YOD1: variants seen among roughly 807,000 people sequenced by gnomAD.
The protein encoded by YOD1 is YOD1 deubiquitinase.
In YOD1, 17 loss-of-function variants were observed where a neutral mutation model predicts 23.7. That is an observed-to-expected ratio of 0.72 (90% confidence interval 0.49 to 1.07). The LOEUF (loss-of-function observed/expected upper bound fraction) is 1.07. Ranked by LOEUF, YOD1 falls within the 50% of genes least tolerant of loss-of-function variation. The pLI, the probability that YOD1 is intolerant of heterozygous loss-of-function variation, is 0.00. For synonymous variants in YOD1, 191 were observed against 169.6 expected (o/e 1.13, Z -0.98); for missense variants, 413 against 447.2 (o/e 0.92, Z 0.69).
In YOD1 at chr1:207,044,313, A is replaced by T. The variant is rs1489736411; in HGVS notation, c.*4707T>A. The T allele has an allele frequency of 6.6e-6, 1 of 152,570 alleles. No individual in the cohort carries two copies. The highest frequency in any genetic ancestry group is 6.5e-5 in the Admixed American group (1 of 15,282). The allele number at this position is 152,570 out of a possible 1,614,324, so 9.5% of individuals were successfully genotyped here. A position where few individuals can be genotyped will look rare whatever the true frequency, so the allele number is the denominator to read the frequency against. On this transcript the variant is annotated 3_prime_UTR_variant, in exon 2 of 2. Coordinates refer to ENST00000315927, the MANE Select transcript of YOD1 (RefSeq NM_018566.4). ...GAATTCAAATTTTTTTCAAGGAAAA[A>T]TACTATTCTGCTAAGTACATATTTC...
In YOD1 at chr1:207,046,950, C is replaced by T. The variant is rs1188943045; in HGVS notation, c.*2070G>A. The T allele has an allele frequency of 1.3e-5, 2 of 151,592 alleles. No individual in the cohort carries two copies. Among genetic ancestry groups the T allele is most frequent in the Non-Finnish European group, 2.9e-5 (2 of 67,916 alleles). 9.4% of individuals were successfully genotyped at this position (151,592 alleles called of 1,614,324 possible). Reference sequence around the variant, plus strand: ...TAGTAAGCAAATGTCAACTCTGTGTCCTGAAGTAGCAAAGAAAGGAAGGCA... The same window carrying T: ...TAGTAAGCAAATGTCAACTCTGTGTTCTGAAGTAGCAAAGAAAGGAAGGCA... On this transcript the variant is annotated 3_prime_UTR_variant, in exon 2 of 2. Coordinates refer to ENST00000315927, the MANE Select transcript of YOD1 (RefSeq NM_018566.4).
At position 207,049,149 on chromosome 1, in the gene YOD1, T is replaced by C; in HGVS notation, c.918A>G (p.Arg306=). ...GGTTGACATCAGTAAACTGTCTCCT[T>C]CTTCTAGCTTCATCTGCTAATTCCA... is the stretch of plus-strand genomic sequence containing the variant. The part of the protein sequence containing the change: ...QALELADEAR[R]RRQFTDVNRF... Residue 306 remains arginine, a synonymous_variant, in exon 2 of 2, where the codon AGA becomes AGG. Coordinates refer to ENST00000315927, the MANE Select transcript of YOD1 (RefSeq NM_018566.4). 6.2e-7 allele frequency: 1 copy of C among 1,614,050 alleles called. No individual in the cohort carries two copies. Among genetic ancestry groups the C allele is most frequent in the East Asian group, 2.2e-5 (1 of 44,846 alleles).
Position 207,046,385 on chromosome 1 carries a change from AAAAC to A in YOD1, c.*2631_*2634del, listed in dbSNP as rs1487576080. ...TTTAATAAGCACAGTAAAAAATGAA[AAAAC>A]AAACAAACAAAAAGCAAACCCCTGT... is the stretch of plus-strand genomic sequence containing the variant. On this transcript the variant is annotated 3_prime_UTR_variant, in exon 2 of 2. Coordinates refer to ENST00000315927, the MANE Select transcript of YOD1 (RefSeq NM_018566.4). 3 of 152,112 alleles carry A rather than the reference AAAAC, an allele frequency of 2.0e-5. No individual in the cohort carries two copies. The highest frequency in any genetic ancestry group is 2.9e-5 in the Non-Finnish European group (2 of 67,928). The allele number at this position is 152,112 out of a possible 1,614,324, so 9.4% of individuals were successfully genotyped here.
rs990143221 is a variant in YOD1 at position 207,046,993 on chromosome 1, T to C, written c.*2027A>G. On this transcript the variant is annotated 3_prime_UTR_variant, in exon 2 of 2. Transcript: ENST00000315927. The stretch of plus-strand genomic sequence containing the variant: ...GGAAGGCAAGCTTTCTGAGTAATGA[T>C]GCATAAAGCTCAATTTGATAATTGT... 1 of 152,238 alleles carries C rather than the reference T, an allele frequency of 6.6e-6. No homozygotes were observed. The highest frequency in any genetic ancestry group is 1.5e-5 in the Non-Finnish European group (1 of 67,956). 9.4% of individuals were successfully genotyped at this position (152,238 alleles called of 1,614,324 possible).
upstream of YOD1, chr1:207,052,818 A>T (rs903075296): frequency 6.6e-6 from 1 of 152,358 alleles, no homozygotes; most frequent in African/African-American, 2.4e-5. Flanking sequence ...TAATTAGCTC[A>T]AGTGTTGTGG....
rs1682578774 is a variant in YOD1 at position 207,045,549 on chromosome 1, A to T, written c.*3471T>A. 6.6e-6 allele frequency: 1 copy of T among 152,360 alleles called. No homozygotes were observed. The highest frequency in any genetic ancestry group is 1.5e-5 in the Non-Finnish European group (1 of 67,870). The allele number at this position is 152,360 out of a possible 1,614,324, so 9.4% of individuals were successfully genotyped here. A position where few individuals can be genotyped will look rare whatever the true frequency, so the allele number is the denominator to read the frequency against. On this transcript the variant is annotated 3_prime_UTR_variant, in exon 2 of 2. Transcript: ENST00000315927. ...GCTGCAAACAAATGTGTCTCCACAC[A>T]TGAAAGAACATAATTCTTAGTATGT...
rs1239014791 is a variant in YOD1, at chr1:207,047,683, G to C, written c.*1337C>G. On this transcript the variant is annotated 3_prime_UTR_variant, in exon 2 of 2. Coordinates refer to ENST00000315927, the MANE Select transcript of YOD1 (RefSeq NM_018566.4). The stretch of plus-strand genomic sequence containing the variant: ...TTGTAGTGAAGCTAAGTTTTAGAGG[G>C]TGTGCCTTGCGGATTAGTCCACTAA... 6.6e-6 allele frequency: 1 copy of C among 152,602 alleles called. No homozygotes were observed. Among genetic ancestry groups the C allele is most frequent in the Non-Finnish European group, 1.5e-5 (1 of 68,008 alleles). 9.5% of individuals were successfully genotyped at this position (152,602 alleles called of 1,614,324 possible).
In YOD1 at chr1:207,049,272, G is replaced by T. The variant is rs115740223; in HGVS notation, c.795C>A (p.Gly265=). 8.7e-6 allele frequency: 14 copies of T among 1,614,114 alleles called. No individual in the cohort carries two copies. The highest frequency in any genetic ancestry group is 1.2e-5 in the Non-Finnish European group (14 of 1,180,032). The change falls in exon 2 of 2, where the codon GGC becomes GGA. Residue 265 remains glycine (G), a synonymous_variant. Transcript: ENST00000315927. ...TACGCTGAAGTGGATCATAGTGGAT[G>T]CCATCATAAATAAGCAGAACCCTTT... ...YTKRVLLIYD[G]IHYDPLQRNF... is the part of the protein sequence containing the mutation.
At position 207,051,119 on chromosome 1, in the gene YOD1, T is replaced by A; in HGVS notation, c.-89A>T. ...TTAGCAAGCGCGAACTCTTTTAAAGTGACAACTGATTTTTCCCCCACCCTC... is the reference window on the plus strand; with the variant it reads ...TTAGCAAGCGCGAACTCTTTTAAAGAGACAACTGATTTTTCCCCCACCCTC... On this transcript the variant is annotated 5_prime_UTR_variant, in exon 1 of 2. Coordinates refer to ENST00000315927, the MANE Select transcript of YOD1 (RefSeq NM_018566.4). 2 of 1,422,856 alleles carry A rather than the reference T, an allele frequency of 1.4e-6. No individual in the cohort carries two copies. Among genetic ancestry groups the A allele is most frequent in the Non-Finnish European group, 1.8e-6 (2 of 1,093,576 alleles). The allele number at this position is 1,422,856 out of a possible 1,614,324, so 88.1% of individuals were successfully genotyped here.
At chr1:207,050,070 G>T (rs1230988975) in intron 1 of YOD1, among the ~76,000 whole-genome samples, 1 of 152,162 alleles carries the variant, frequency 6.6e-6, no homozygotes, top group African/African-American at 2.4e-5. Context: ...CCGCTAGGGG[G>T]TTCTCCTTCT....
rs1361133702 is a variant in YOD1, at chr1:207,047,441, A to G, written c.*1579T>C. 6.6e-6 allele frequency: 1 copy of G among 152,622 alleles called. No individual in the cohort carries two copies. Among genetic ancestry groups the G allele is most frequent in the African/African-American group, 2.4e-5 (1 of 41,462 alleles). The allele number at this position is 152,622 out of a possible 1,614,324, so 9.5% of individuals were successfully genotyped here. On this transcript the variant is annotated 3_prime_UTR_variant, in exon 2 of 2. Transcript: ENST00000315927. The stretch of plus-strand genomic sequence containing the variant: ...GTGCTAAAAATAAATGTCAATTTTA[A>G]AACATTTGCTAGGCAGATATGCTGA...
Position 207,049,611 on chromosome 1 carries a change from G to C in YOD1, c.456C>G (p.Thr152=), listed in dbSNP as rs764263300. The change falls in exon 2 of 2, where the codon ACC becomes ACG. Residue 152 remains threonine, a synonymous_variant. Coordinates refer to ENST00000315927, the MANE Select transcript of YOD1 (RefSeq NM_018566.4). ...VRETLPVLTR[T]VVPADNSCLF... ...GGCAAGAGTTGTCTGCTGGGACCAC[G>C]GTTCTGGTAAGCACAGGCAAAGTTT... The C allele has an allele frequency of 1.2e-6, 2 of 1,614,182 alleles. No homozygotes were observed. The highest frequency in any genetic ancestry group is 1.7e-6 in the Non-Finnish European group (2 of 1,180,030).
chr1:207,050,000 A>G (rs1466610868), intron 1 of YOD1, among the ~76,000 whole-genome samples: 1 of 152,238 alleles, frequency 6.6e-6, no homozygotes, highest in African/African-American at 2.4e-5. Flanking sequence ...GATACATTTC[A>G]AAAACAAAAT....
rs548151909 is a variant in YOD1 at position 207,045,506 on chromosome 1, A to G, written c.*3514T>C. 6.6e-6 allele frequency: 1 copy of G among 152,446 alleles called. No individual in the cohort carries two copies. Among genetic ancestry groups the G allele is most frequent in the Admixed American group, 6.5e-5 (1 of 15,268 alleles). The allele number at this position is 152,446 out of a possible 1,614,324, so 9.4% of individuals were successfully genotyped here. ...GGGCCAACATGTAAACTTTTATTCCATATATATTTTTTAAAGTGCTGCAAA... is the reference window on the plus strand; with the variant it reads ...GGGCCAACATGTAAACTTTTATTCCGTATATATTTTTTAAAGTGCTGCAAA... On this transcript the variant is annotated 3_prime_UTR_variant, in exon 2 of 2. Transcript: ENST00000315927.
rs146170578 is a variant in YOD1, at chr1:207,049,710, G to A, written c.357C>T (p.Ile119=). ...TGGGCCTGGTTTGGTCTTCTTCAAT[G>A]ATCAGCATGTCACCTGTTAAAAATA... ...DLPIQSGDML[I]IEEDQTRPRS... The change falls in exon 2 of 2, where the codon ATC becomes ATT. Residue 119 remains isoleucine, a synonymous_variant. Coordinates refer to ENST00000315927, the MANE Select transcript of YOD1 (RefSeq NM_018566.4). 1.0e-4 allele frequency: 161 copies of A among 1,612,980 alleles called. No homozygotes were observed. The African/African-American group carries it at 2.0e-3, about 20-fold the overall frequency.
At position 207,050,642 on chromosome 1, in the gene YOD1, C is replaced by T. The variant is rs770970111; in HGVS notation, c.343+46G>A. 6.2e-6 allele frequency: 10 copies of T among 1,604,598 alleles called. 1 individual carries two copies. In the East Asian group the frequency reaches 2.2e-4, roughly 36 times the overall value. Reference sequence around the variant, plus strand: ...GTGTTTTGTTCTCTCTCACGCCCCTCTCCATCCTCCCGGGACTTTCCCTGG... The same window carrying T: ...GTGTTTTGTTCTCTCTCACGCCCCTTTCCATCCTCCCGGGACTTTCCCTGG... On this transcript the variant is annotated intron_variant, in intron 1 of 1. Coordinates refer to ENST00000315927, the MANE Select transcript of YOD1 (RefSeq NM_018566.4).
At position 207,048,809 on chromosome 1, in the gene YOD1, T is replaced by C; in HGVS notation, c.*211A>G. 1.8e-6 allele frequency: 1 copy of C among 555,518 alleles called. No homozygotes were observed. The highest frequency in any genetic ancestry group is 3.2e-6 in the Non-Finnish European group (1 of 313,390). The allele number at this position is 555,518 out of a possible 1,614,324, so 34.4% of individuals were successfully genotyped here. ...TGTCACTCCAGCAGAAAGAGGCATGTATGTACAGTTTACCACTGTAGACAC... is the reference window on the plus strand; with the variant it reads ...TGTCACTCCAGCAGAAAGAGGCATGCATGTACAGTTTACCACTGTAGACAC... On this transcript the variant is annotated 3_prime_UTR_variant, in exon 2 of 2. Coordinates refer to ENST00000315927, the MANE Select transcript of YOD1 (RefSeq NM_018566.4).
In YOD1 at chr1:207,048,760, G is replaced by T. The variant is rs79390089; in HGVS notation, c.*260C>A. The T allele has an allele frequency of 0.013, 5,772 of 436,456 alleles. 277 individuals are homozygous for T. The highest frequency in any genetic ancestry group is 0.1 in the African/African-American group (5,204 of 50,258). 27.0% of individuals were successfully genotyped at this position (436,456 alleles called of 1,614,324 possible). On this transcript the variant is annotated 3_prime_UTR_variant, in exon 2 of 2. Coordinates refer to ENST00000315927, the MANE Select transcript of YOD1 (RefSeq NM_018566.4). Reference sequence around the variant, plus strand: ...AATCTCAACCTTCAGGTCAGTGTCAGTAGGTGGCAAGGATCACCTATTCTG... The same window carrying T: ...AATCTCAACCTTCAGGTCAGTGTCATTAGGTGGCAAGGATCACCTATTCTG...
upstream of YOD1, among the ~76,000 whole-genome samples, chr1:207,051,667 A>T (rs1682755047): frequency 6.6e-6 from 1 of 152,218 alleles, no homozygotes; most frequent in African/African-American, 2.4e-5. Context: ...ATTCCAGTTC[A>T]GTTCCTGGGC....
Sources: gnomAD v4.1 joint callset for allele counts (sites outside exome capture counted in the v4.1 genomes callset) on GRCh38, gnomAD v4.1.1 for gene constraint, MANE v1.5 for transcripts, NCBI Gene and HGNC (gene_info 2026-07-23, HGNC 2026-07-21) for gene names.